Variants in RBFOX1 observed in about 807,000 individuals in gnomAD.
RBFOX1 encodes RNA binding protein fox-1 homolog 1.
RBFOX1 carries 8 observed loss-of-function variants against 57.7 expected under a neutral mutation model. The ratio of observed to expected loss-of-function variants is 0.14; its 90% CI spans 0.08 to 0.25. The LOEUF is 0.25. RBFOX1 is among the 10% of genes least tolerant of loss of function. The pLI is 1.00. For synonymous variants in RBFOX1, 326 were observed against 222.4 expected, an observed-to-expected ratio of 1.47 and a Z score of -4.15; for missense variants, 611 against 548.5, an observed-to-expected ratio of 1.11 and a Z score of -1.14.
At chr16:6,966,684 A>C (rs1263233725) in intron 3 of RBFOX1, among the ~76,000 whole-genome samples, 1 of 152,184 alleles carries the variant, frequency 6.6e-6, no homozygotes, top group Non-Finnish European at 1.5e-5. Flanking sequence ...AGCTGGGCTG[A>C]AGTGAAGCGA....
chr16:6,808,445 C>T (rs1161610847), intron 3 of RBFOX1, among the ~76,000 whole-genome samples: 1 of 151,898 alleles, frequency 6.6e-6, no homozygotes, highest in Non-Finnish European at 1.5e-5. Flanking sequence ...AAACTACATC[C>T]CAAGGATCTC....
intron 5 of RBFOX1, among the ~76,000 whole-genome samples, chr16:7,570,174 T>C (rs887151637): frequency 4.8e-5 from 7 of 147,150 alleles, no homozygotes; most frequent in Non-Finnish European, 9.0e-5. Flanking sequence ...TTTTTTTTTT[T>C]TTTTAAAAAG....
intron 11 of RBFOX1, among the ~76,000 whole-genome samples, chr16:7,646,460 C>T (rs2063757872): frequency 6.6e-6 from 1 of 152,186 alleles, no homozygotes; most frequent in Non-Finnish European, 1.5e-5. Flanking sequence ...AATTTCACCC[C>T]AAATTTGCAT....
At chr16:6,628,263 C>A (rs1287367845) in intron 2 of RBFOX1, among the ~76,000 whole-genome samples, 1 of 152,162 alleles carries the variant, frequency 6.6e-6, no homozygotes, top group Non-Finnish European at 1.5e-5. Context: ...AATTTTGCAC[C>A]TTGCTCAAAA....
At chr16:7,666,832 T>G (rs2069476207) in intron 13 of RBFOX1, among the ~76,000 whole-genome samples, 2 of 152,208 alleles carry the variant, frequency 1.3e-5, no homozygotes, top group South Asian at 2.1e-4. Context: ...CTAGTTCCTT[T>G]AGGAGATTTT....
At chr16:7,193,768 T>G (rs1301652342) in intron 4 of RBFOX1, among the ~76,000 whole-genome samples, 3 of 152,172 alleles carry the variant, frequency 2.0e-5, no homozygotes, top group Admixed American at 2.0e-4. Context: ...GCTCAGAATA[T>G]TAGTACTAGA....
At chr16:6,782,032 G>C (rs751170485) in intron 3 of RBFOX1, among the ~76,000 whole-genome samples, 1 of 151,934 alleles carries the variant, frequency 6.6e-6, no homozygotes, top group Admixed American at 6.6e-5. Flanking sequence ...TTTTTATACG[G>C]AGCCTTGCTC....
At chr16:6,052,371 C>G (rs2095561227) in intron 1 of RBFOX1, among the ~76,000 whole-genome samples, 3 of 152,192 alleles carry the variant, frequency 2.0e-5, no homozygotes, top group Admixed American at 2.0e-4. Context: ...TTTGTGATGA[C>G]TTCCACTGAC....
At chr16:7,515,376 G>C (rs1304617917) in intron 4 of RBFOX1, among the ~76,000 whole-genome samples, 3 of 151,804 alleles carry the variant, frequency 2.0e-5, no homozygotes, top group African/African-American at 4.8e-5. Flanking sequence ...ATACATTCTG[G>C]AGATTTAAGT....
At chr16:5,539,995 C>G (rs2044865783) in intron 2 of RBFOX1, among the ~76,000 whole-genome samples, 1 of 152,106 alleles carries the variant, frequency 6.6e-6, no homozygotes, top group African/African-American at 2.4e-5. Flanking sequence ...TAGCATTTAA[C>G]CAAGATTTTT....
At chr16:7,312,966 C>T (rs1162750910) in intron 4 of RBFOX1, among the ~76,000 whole-genome samples, 2 of 151,956 alleles carry the variant, frequency 1.3e-5, no homozygotes, top group East Asian at 3.9e-4. Context: ...GGAGGGTACC[C>T]TAGTTTCAGG....
intron 2 of RBFOX1, among the ~76,000 whole-genome samples, chr16:5,573,997 C>T (rs536183464): frequency 3.3e-5 from 5 of 152,208 alleles, no homozygotes; most frequent in Admixed American, 2.6e-4. Context: ...AAGTCTGTTC[C>T]GAAACCATAT....
intron 3 of RBFOX1, among the ~76,000 whole-genome samples, chr16:6,885,297 C>G (rs1328011087): frequency 6.6e-6 from 1 of 152,184 alleles, no homozygotes; most frequent in Non-Finnish European, 1.5e-5. Context: ...GTTCTCTATC[C>G]TCGCTGCAGG....
intron 14 of RBFOX1, among the ~76,000 whole-genome samples, chr16:7,691,730 C>T (rs1157685423): frequency 6.6e-6 from 1 of 150,402 alleles, no homozygotes; most frequent in African/African-American, 2.5e-5. Context: ...TGGACAGTTC[C>T]TTAGGGAAAA....
chr16:7,371,357 G>T (rs1367160599), intron 4 of RBFOX1, among the ~76,000 whole-genome samples: 1 of 152,182 alleles, frequency 6.6e-6, no homozygotes, highest in Non-Finnish European at 1.5e-5. Flanking sequence ...AGTAACGGAA[G>T]ACGGGAAATG....
chr16:5,959,938 C>A (rs561663695), intron 4 of RBFOX1, among the ~76,000 whole-genome samples: 2 of 152,206 alleles, frequency 1.3e-5, no homozygotes, highest in South Asian at 2.1e-4. Context: ...CGGTGGCTCA[C>A]GCCTGTAATC....
At chr16:6,869,154 A>G (rs1320368547) in intron 3 of RBFOX1, among the ~76,000 whole-genome samples, 1 of 152,154 alleles carries the variant, frequency 6.6e-6, no homozygotes, top group African/African-American at 2.4e-5. Context: ...CCTCTTGCTT[A>G]CCTGTCATAT....
intron 3 of RBFOX1, among the ~76,000 whole-genome samples, chr16:6,672,157 G>C (rs1488661956): frequency 1.3e-5 from 2 of 152,166 alleles, no homozygotes; most frequent in Non-Finnish European, 2.9e-5. Flanking sequence ...GCTAGAAATA[G>C]ATACTTATCT....
chr16:7,640,185 G>A (rs529131623), intron 11 of RBFOX1, among the ~76,000 whole-genome samples: 2 of 152,208 alleles, frequency 1.3e-5, no homozygotes, highest in African/African-American at 4.8e-5. Flanking sequence ...TGTTTCTTTG[G>A]CTGTCATAAT....
Sources: gnomAD v4.1 joint callset for allele counts (sites outside exome capture counted in the v4.1 genomes callset) on GRCh38, gnomAD v4.1.1 for gene constraint, MANE v1.5 for transcripts, NCBI Gene and HGNC (gene_info 2026-07-23, HGNC 2026-07-21) for gene names.